Variants in RABGAP1 observed in about 807,000 individuals in gnomAD.
The protein encoded by RABGAP1 is rab GTPase-activating protein 1.
Under a neutral mutation model 137.6 loss-of-function variants are expected in RABGAP1, and 23 were observed. That is an observed-to-expected ratio of 0.17 (90% confidence interval 0.12 to 0.24). The LOEUF (loss-of-function observed/expected upper bound fraction) is 0.24. Ranked by LOEUF, RABGAP1 falls within the 10% of genes least tolerant of loss-of-function variation. RABGAP1 has a pLI of 1.00. For synonymous variants in RABGAP1, 451 were observed against 450.7 expected, an observed-to-expected ratio of 1.00 and a Z score of -0.01; for missense variants, 906 against 1,275.8, an observed-to-expected ratio of 0.71 and a Z score of 4.42.
At chr9:122,976,373 G>A (rs1175662857) in intron 2 of RABGAP1, among the ~76,000 whole-genome samples, 2 of 152,138 alleles carry the variant, frequency 1.3e-5, no homozygotes, top group African/African-American at 4.8e-5. Context: ...TACATTAGAA[G>A]TCTTTGTTGG....
chr9:122,990,949 C>T (rs1340013508), intron 6 of RABGAP1, among the ~76,000 whole-genome samples: 2 of 149,660 alleles, frequency 1.3e-5, no homozygotes, highest in East Asian at 3.9e-4. Context: ...TAAGCCTTTT[C>T]AAGTCAAGTT....
At chr9:122,991,056 T>C (rs1836699102) in intron 6 of RABGAP1, among the ~76,000 whole-genome samples, 2 of 151,574 alleles carry the variant, frequency 1.3e-5, no homozygotes, top group Admixed American at 1.3e-4. Flanking sequence ...TGATTTTAAT[T>C]TTTAAATATA....
intron 1 of RABGAP1, among the ~76,000 whole-genome samples, chr9:122,952,244 T>C (rs1191958550): frequency 1.3e-5 from 2 of 152,040 alleles, no homozygotes; most frequent in African/African-American, 4.8e-5. Context: ...GAATTTTTTT[T>C]TAAATTTTTT....
At chr9:122,947,093 A>G (rs1564349718) in intron 1 of RABGAP1, among the ~76,000 whole-genome samples, 2 of 152,314 alleles carry the variant, frequency 1.3e-5, no homozygotes, top group African/African-American at 2.4e-5. Flanking sequence ...CTATAAAGTT[A>G]TAATTATTTT....
chr9:123,006,424 G>T (rs569354217), intron 10 of RABGAP1, among the ~76,000 whole-genome samples: 3 of 152,096 alleles, frequency 2.0e-5, no homozygotes, highest in African/African-American at 4.8e-5. Flanking sequence ...TTTCCAAATG[G>T]CTATTCTCTT....
intron 13 of RABGAP1, among the ~76,000 whole-genome samples, chr9:123,061,005 T>C (rs968042403): frequency 1.3e-5 from 2 of 152,262 alleles, no homozygotes; most frequent in African/African-American, 2.4e-5. Context: ...TCTCTGGTCA[T>C]GCTGACCATA....
intron 13 of RABGAP1, chr9:123,035,506 G>A (rs1327214067): frequency 6.2e-7 from 1 of 1,613,978 alleles, no homozygotes; most frequent in Non-Finnish European, 8.5e-7. Flanking sequence ...ATTCCAAAGA[G>A]GACTAAAGCG....
chr9:122,954,453 A>G (rs895061263), intron 1 of RABGAP1, among the ~76,000 whole-genome samples: 12 of 152,216 alleles, frequency 7.9e-5, no homozygotes, highest in Non-Finnish European at 1.2e-4. Flanking sequence ...GTATTTTCCT[A>G]TCACCTTCTC....
intron 12 of RABGAP1, among the ~76,000 whole-genome samples, chr9:123,019,702 G>GTTTA (rs1345843481): frequency 2.0e-5 from 3 of 147,682 alleles, no homozygotes; most frequent in Non-Finnish European, 4.5e-5. Context: ...TTGTTTGTTT[G>GTTTA]TTTGTTTTGA....
At chr9:122,972,934 A>T (rs1176925861) in intron 2 of RABGAP1, among the ~76,000 whole-genome samples, 1 of 151,410 alleles carries the variant, frequency 6.6e-6, no homozygotes, top group Non-Finnish European at 1.5e-5. Flanking sequence ...TCAGGAGTTG[A>T]GACCAGCCTA....
chr9:123,034,323 C>T (rs993000812), intron 13 of RABGAP1: 12 of 541,470 alleles, frequency 2.2e-5, no homozygotes, highest in African/African-American at 1.9e-4. Context: ...GAACCTGGCA[C>T]TATGGCCGCG....
intron 1 of RABGAP1, among the ~76,000 whole-genome samples, chr9:122,951,378 C>T (rs1288531229): frequency 6.6e-6 from 1 of 150,972 alleles, no homozygotes; most frequent in East Asian, 1.9e-4. Context: ...TGTTAGTTAA[C>T]TAGAAACAAT....
intron 12 of RABGAP1, 42 bp from the exon 13 acceptor site, chr9:123,020,262 AATCTT>A: frequency 7.3e-7 from 1 of 1,370,420 alleles, no homozygotes; most frequent in South Asian, 1.8e-5. Context: ...TTCTTTAGAG[AATCTT>A]ATCTTCCTTT....
intron 13 of RABGAP1, among the ~76,000 whole-genome samples, chr9:123,032,922 A>G (rs181119177): frequency 5.9e-5 from 9 of 152,346 alleles, no homozygotes; most frequent in East Asian, 3.9e-4. Context: ...AGAAGAAGGT[A>G]CATTTACTTT....
intron 13 of RABGAP1, among the ~76,000 whole-genome samples, chr9:123,057,098 CG>C (rs2033739795): frequency 7.3e-6 from 1 of 136,064 alleles, no homozygotes; most frequent in African/African-American, 2.6e-5. Context: ...GCTGGCCGGG[CG>C]GGGGGCTGAC....
chr9:123,044,152 C>G (rs2033093187), intron 13 of RABGAP1, among the ~76,000 whole-genome samples: 1 of 152,110 alleles, frequency 6.6e-6, no homozygotes. Context: ...ATCCGCCCAT[C>G]TCGGCCTCCC....
intron 13 of RABGAP1, among the ~76,000 whole-genome samples, chr9:123,057,825 C>T (rs1465207949): frequency 6.6e-6 from 1 of 152,202 alleles, no homozygotes; most frequent in Non-Finnish European, 1.5e-5. Context: ...CTGAGGGTGG[C>T]GGATCACTCG....
At chr9:122,986,446 G>A (rs761503330) in intron 4 of RABGAP1, 27 bp downstream of exon 4, 36 of 1,596,244 alleles carry the variant, frequency 2.3e-5, no homozygotes, top group Admixed American at 6.7e-5. Flanking sequence ...GAAATCTTTC[G>A]ATATTTACAT....
chr9:122,994,830 T>G (rs1385621262), intron 6 of RABGAP1, among the ~76,000 whole-genome samples: 1 of 152,186 alleles, frequency 6.6e-6, no homozygotes, highest in African/African-American at 2.4e-5. Flanking sequence ...TAAACTGTCA[T>G]TTTAAGAACT....
Sources: allele counts gnomAD v4.1 joint callset (sites outside exome capture counted in the v4.1 genomes callset), GRCh38; gene constraint gnomAD v4.1.1; transcripts MANE v1.5; gene names NCBI Gene and HGNC (gene_info 2026-07-23, HGNC 2026-07-21).